The following AUTS2 variants were observed in gnomAD, a reference collection of about 807,000 sequenced individuals.
The protein encoded by AUTS2 is activator of transcription and developmental regulator AUTS2, also known as autism susceptibility gene 2 protein.
AUTS2 carries 17 observed loss-of-function variants against 112.4 expected under a neutral mutation model. The ratio of observed to expected loss-of-function variants is 0.15; its 90% CI spans 0.10 to 0.23. The LOEUF (loss-of-function observed/expected upper bound fraction) is 0.23, where lower values mean the gene tolerates loss of function less well. Among genes scored for constraint, AUTS2 ranks in the 10% least tolerant of loss-of-function variants. The pLI, the probability that AUTS2 is intolerant of heterozygous loss-of-function variation, is 1.00. For missense variants in AUTS2, 1,510 were observed against 1,701.6 expected (o/e 0.89, Z 1.98); for synonymous variants, 751 against 702.7 (o/e 1.07, Z -1.09).
At chr7:70,512,251 A>G (rs1002105380) in intron 5 of AUTS2, among the ~76,000 whole-genome samples, 2 of 152,192 alleles carry the variant, frequency 1.3e-5, no homozygotes, top group East Asian at 1.9e-4. Flanking sequence ...TATCCATGTG[A>G]TATTAGCCAC....
intron 5 of AUTS2, among the ~76,000 whole-genome samples, chr7:70,645,127 C>G (rs531404219): frequency 9.9e-4 from 151 of 152,168 alleles, no homozygotes; most frequent in Non-Finnish European, 2.0e-3. Context: ...GGCTCACAAG[C>G]GTTCTTCACC....
chr7:70,168,321 T>A (rs1255223863), intron 4 of AUTS2, among the ~76,000 whole-genome samples: 1 of 152,148 alleles, frequency 6.6e-6, no homozygotes, highest in Non-Finnish European at 1.5e-5. Flanking sequence ...CTCCCAATAT[T>A]TTCAGCTGCC....
chr7:70,466,240 A>T (rs570353246), intron 5 of AUTS2, among the ~76,000 whole-genome samples: 1 of 152,310 alleles, frequency 6.6e-6, no homozygotes, highest in African/African-American at 2.4e-5. Flanking sequence ...TATGGAAGAA[A>T]TTGTTATGTC....
At chr7:70,175,962 A>G (rs185248870) in intron 4 of AUTS2, among the ~76,000 whole-genome samples, 132 of 152,312 alleles carry the variant, frequency 8.7e-4, no homozygotes, top group African/African-American at 3.2e-3. Flanking sequence ...AACCAAATCT[A>G]CAATGTCTTA....
chr7:70,561,933 C>T (rs776247465), intron 5 of AUTS2, among the ~76,000 whole-genome samples: 5 of 152,206 alleles, frequency 3.3e-5, no homozygotes, highest in South Asian at 2.1e-4. Flanking sequence ...GTTTGGGTCA[C>T]GGGGTGGATC....
At chr7:70,729,430 G>A (rs1161430483) in intron 6 of AUTS2, among the ~76,000 whole-genome samples, 2 of 152,170 alleles carry the variant, frequency 1.3e-5, no homozygotes, top group African/African-American at 4.8e-5. Flanking sequence ...TTCTTTCCAG[G>A]AACGTGTCCC....
intron 2 of AUTS2, among the ~76,000 whole-genome samples, chr7:69,913,233 T>C (rs887150040): frequency 3.9e-5 from 6 of 152,232 alleles, no homozygotes; most frequent in African/African-American, 1.4e-4. Flanking sequence ...TTTATGATCT[T>C]TTTCCTTGTA....
intron 6 of AUTS2, among the ~76,000 whole-genome samples, chr7:70,723,350 C>G (rs12698920): frequency 0.23 from 35,371 of 152,056 alleles, 5,192 homozygotes; most frequent in East Asian, 0.63. Flanking sequence ...ACACCACATT[C>G]ACCCTCTCAA....
chr7:70,333,659 G>T (rs182197634), intron 4 of AUTS2, among the ~76,000 whole-genome samples: 1 of 152,246 alleles, frequency 6.6e-6, no homozygotes, highest in Non-Finnish European at 1.5e-5. Flanking sequence ...CCTCTACGGA[G>T]ACATGGATGA....
chr7:69,978,859 A>AACACACAC (rs71068004), intron 2 of AUTS2, among the ~76,000 whole-genome samples: 9,122 of 129,528 alleles, frequency 0.07, 503 homozygotes, highest in East Asian at 0.22. Context: ...TCAAAGAAAC[A>AACACACAC]ACACACACAC....
chr7:70,141,835 A>G (rs1329615843), intron 4 of AUTS2, among the ~76,000 whole-genome samples: 1 of 152,228 alleles, frequency 6.6e-6, no homozygotes, highest in African/African-American at 2.4e-5. Flanking sequence ...AATGAACAGT[A>G]CAAGTTAAAC....
chr7:70,660,202 G>T (rs1806996045), intron 5 of AUTS2, among the ~76,000 whole-genome samples: 1 of 151,754 alleles, frequency 6.6e-6, no homozygotes, highest in African/African-American at 2.4e-5. Context: ...AGAAAAAAAG[G>T]AAAGAAAGAA....
intron 2 of AUTS2, among the ~76,000 whole-genome samples, chr7:70,099,498 AT>A (rs202246440): frequency 3.4e-3 from 477 of 138,408 alleles, no homozygotes; most frequent in Middle Eastern, 7.5e-3. Flanking sequence ...GACTCAGGGG[AT>A]TTTTTTTTTT....
chr7:70,127,911 T>A (rs1457990305), intron 3 of AUTS2, among the ~76,000 whole-genome samples: 1 of 152,144 alleles, frequency 6.6e-6, no homozygotes, highest in Non-Finnish European at 1.5e-5. Context: ...GTCCTATTCT[T>A]TCTTTCTTCC....
At chr7:70,584,479 G>C (rs1429609291) in intron 5 of AUTS2, among the ~76,000 whole-genome samples, 1 of 152,196 alleles carries the variant, frequency 6.6e-6, no homozygotes, top group Non-Finnish European at 1.5e-5. Context: ...TTAATTTCAG[G>C]CAGAAATGAA....
At chr7:70,726,646 A>G (rs1239777105) in intron 6 of AUTS2, among the ~76,000 whole-genome samples, 1 of 152,206 alleles carries the variant, frequency 6.6e-6, no homozygotes, top group Admixed American at 6.5e-5. Context: ...AAGAGAAGAT[A>G]ACATCTTAAG....
chr7:70,634,715 G>A (rs1024336626), intron 5 of AUTS2, among the ~76,000 whole-genome samples: 9 of 152,168 alleles, frequency 5.9e-5, no homozygotes, highest in East Asian at 1.9e-4. Flanking sequence ...CTGATTCAGC[G>A]GGGTGACCTC....
intron 4 of AUTS2, among the ~76,000 whole-genome samples, chr7:70,344,826 G>A (rs775264450): frequency 7.9e-5 from 12 of 152,098 alleles, no homozygotes; most frequent in Admixed American, 3.3e-4. Flanking sequence ...CCAAACTCTG[G>A]GATGTTTTCA....
chr7:69,884,475 C>A (rs1794190356), intron 1 of AUTS2, among the ~76,000 whole-genome samples: 1 of 152,196 alleles, frequency 6.6e-6, no homozygotes, highest in African/African-American at 2.4e-5. Context: ...TGTGATAAAT[C>A]TCACGTTTAA....
Sources: gnomAD v4.1 joint callset for allele counts (sites outside exome capture counted in the v4.1 genomes callset) on GRCh38, gnomAD v4.1.1 for gene constraint, MANE v1.5 for transcripts, NCBI Gene and HGNC (gene_info 2026-07-23, HGNC 2026-07-21) for gene names.